ZBTB20: variants seen among roughly 807,000 people sequenced by gnomAD.
ZBTB20 encodes zinc finger and BTB domain-containing protein 20.
A neutral mutation model predicts 56.9 loss-of-function variants in ZBTB20; 9 were observed. The observed-to-expected ratio is 0.16, with a 90% CI of 0.10 to 0.28. The LOEUF (loss-of-function observed/expected upper bound fraction) is 0.28. ZBTB20 is among the 10% of genes least tolerant of loss of function. The pLI, the probability that ZBTB20 is intolerant of heterozygous loss-of-function variation, is 1.00. For missense variants in ZBTB20, 655 were observed against 1,003.0 expected, an observed-to-expected ratio of 0.65 and a Z score of 4.69; for synonymous variants, 417 against 420.7, an observed-to-expected ratio of 0.99 and a Z score of 0.11.
intron 4 of ZBTB20, among the ~76,000 whole-genome samples, chr3:114,876,121 G>GTT (rs35016029): frequency 4.3e-5 from 6 of 139,474 alleles, no homozygotes; most frequent in Admixed American, 2.1e-4. Flanking sequence ...CCTGTAGTTT[G>GTT]TTTTTTTTTT....
chr3:114,707,627 C>T (rs2063791830), intron 5 of ZBTB20, among the ~76,000 whole-genome samples: 1 of 152,140 alleles, frequency 6.6e-6, no homozygotes, highest in African/African-American at 2.4e-5. Flanking sequence ...TATGAGTGTC[C>T]CCTGGAGGGG....
At chr3:114,790,102 C>T (rs1220648010) in intron 5 of ZBTB20, among the ~76,000 whole-genome samples, 1 of 152,134 alleles carries the variant, frequency 6.6e-6, no homozygotes, top group Non-Finnish European at 1.5e-5. Flanking sequence ...AGTCTGCTTA[C>T]AGTATGCATT....
chr3:114,948,917 G>A (rs1002255117), intron 3 of ZBTB20, among the ~76,000 whole-genome samples: 2 of 145,826 alleles, frequency 1.4e-5, no homozygotes, highest in African/African-American at 5.6e-5. Context: ...ACATATTGTA[G>A]AGATTAACAA....
At chr3:114,440,811 A>T (rs1312911647) in intron 7 of ZBTB20, among the ~76,000 whole-genome samples, 1 of 152,134 alleles carries the variant, frequency 6.6e-6, no homozygotes, top group African/African-American at 2.4e-5. Context: ...CTGCTCATCA[A>T]CACTCTGCTA....
At chr3:114,597,892 A>T (rs2056450746) in intron 6 of ZBTB20, among the ~76,000 whole-genome samples, 1 of 152,090 alleles carries the variant, frequency 6.6e-6, no homozygotes, top group Non-Finnish European at 1.5e-5. Context: ...ATGTTAGGAG[A>T]TAAAATGAAA....
At chr3:114,888,023 A>T (rs2107616272) in intron 4 of ZBTB20, among the ~76,000 whole-genome samples, 1 of 152,080 alleles carries the variant, frequency 6.6e-6, no homozygotes, top group Middle Eastern at 3.4e-3. Context: ...GCCCTCCAAA[A>T]GTGATGCAAC....
chr3:115,027,714 A>G (rs1394110532), intron 2 of ZBTB20: 2 of 151,044 alleles, frequency 1.3e-5, no homozygotes, highest in Non-Finnish European at 3.0e-5. Flanking sequence ...AATATTCAGA[A>G]AGCATTAAAA....
intron 6 of ZBTB20, among the ~76,000 whole-genome samples, chr3:114,607,042 G>A (rs923482953): frequency 6.6e-5 from 10 of 151,888 alleles, no homozygotes; most frequent in Non-Finnish European, 1.5e-4. Flanking sequence ...AGGTTGCAGT[G>A]AGCCGAGATC....
intron 3 of ZBTB20, among the ~76,000 whole-genome samples, chr3:114,918,568 T>C (rs1017338015): frequency 1.8e-4 from 28 of 152,234 alleles, no homozygotes; most frequent in Middle Eastern, 3.4e-3. Flanking sequence ...AAAGGCTCTT[T>C]AGTCAGCAGG....
intron 5 of ZBTB20, among the ~76,000 whole-genome samples, chr3:114,727,059 C>T (rs962822184): frequency 2.4e-4 from 37 of 151,812 alleles, no homozygotes; most frequent in African/African-American, 8.2e-4. Flanking sequence ...AAAATTTCAC[C>T]CTCCCTTTCA....
chr3:114,360,198 C>T (rs1016770851), intron 10 of ZBTB20, among the ~76,000 whole-genome samples: 1 of 151,860 alleles, frequency 6.6e-6, no homozygotes, highest in Admixed American at 6.6e-5. Context: ...TGTTCTGAAA[C>T]TGCTTTTGAA....
At chr3:114,665,834 T>G (rs1232025582) in intron 6 of ZBTB20, among the ~76,000 whole-genome samples, 1 of 152,096 alleles carries the variant, frequency 6.6e-6, no homozygotes, top group African/African-American at 2.4e-5. Context: ...CTGACATTTC[T>G]TAGTGACTGA....
intron 2 of ZBTB20, among the ~76,000 whole-genome samples, chr3:115,048,182 G>A (rs1466011860): frequency 2.0e-5 from 3 of 152,042 alleles, no homozygotes; most frequent in Non-Finnish European, 4.4e-5. Flanking sequence ...CTGAGTTCGC[G>A]CCACTGCACT....
intron 6 of ZBTB20, chr3:114,658,982 A>G (rs950055040): frequency 3.3e-5 from 5 of 152,196 alleles, no homozygotes; most frequent in Non-Finnish European, 7.3e-5. Flanking sequence ...AGCACATTAC[A>G]TTTTGGTTGG....
At chr3:114,344,155 G>C (rs2080009348) in intron 11 of ZBTB20, among the ~76,000 whole-genome samples, 1 of 152,236 alleles carries the variant, frequency 6.6e-6, no homozygotes, top group African/African-American at 2.4e-5. Context: ...CTTGGACTGT[G>C]AGGCTAAGAG....
chr3:115,035,074 C>A (rs1338889988), intron 2 of ZBTB20, among the ~76,000 whole-genome samples: 2 of 151,908 alleles, frequency 1.3e-5, no homozygotes, highest in Non-Finnish European at 2.9e-5. Context: ...AAAATAGATT[C>A]TAAATATAAG....
At chr3:114,402,652 C>A (rs138406976) in intron 7 of ZBTB20, among the ~76,000 whole-genome samples, 107 of 152,270 alleles carry the variant, frequency 7.0e-4, no homozygotes, top group Non-Finnish European at 1.4e-3. Context: ...GCTGTTGGGA[C>A]TAGATTCTTC....
At chr3:114,558,371 C>T (rs771637704) in intron 6 of ZBTB20, among the ~76,000 whole-genome samples, 2 of 151,986 alleles carry the variant, frequency 1.3e-5, no homozygotes, top group African/African-American at 4.8e-5. Context: ...AATAACAGTA[C>T]CTCATTTGCG....
At chr3:114,784,237 G>T (rs1165066556) in intron 5 of ZBTB20, among the ~76,000 whole-genome samples, 1 of 152,122 alleles carries the variant, frequency 6.6e-6, no homozygotes, top group Non-Finnish European at 1.5e-5. Flanking sequence ...GACTAACAGA[G>T]TAAAATACTA....
Sources: gnomAD v4.1 joint callset for allele counts (sites outside exome capture counted in the v4.1 genomes callset) on GRCh38, gnomAD v4.1.1 for gene constraint, MANE v1.5 for transcripts, NCBI Gene and HGNC (gene_info 2026-07-23, HGNC 2026-07-21) for gene names.